RAB27A: variants seen among roughly 807,000 people sequenced by gnomAD.
RAB27A encodes ras-related protein Rab-27A.
In RAB27A, 17 loss-of-function variants were observed where a neutral mutation model predicts 20.8. The observed-to-expected ratio is 0.82, with a 90% CI of 0.56 to 1.23. RAB27A has a LOEUF of 1.23. RAB27A is among the 50% of genes most tolerant of loss of function. The pLI is 0.00. For synonymous variants in RAB27A, 85 were observed against 92.8 expected, an observed-to-expected ratio of 0.92 and a Z score of 0.48; for missense variants, 277 against 266.7, an observed-to-expected ratio of 1.04 and a Z score of -0.27.
chr15:55,241,600 T>TTCTTTATATATATATATGTGTA (rs1388634936), intron 2 of RAB27A, among the ~76,000 whole-genome samples: 4 of 123,894 alleles, frequency 3.2e-5, no homozygotes, highest in African/African-American at 1.7e-4. Context: ...CAAGACCTAT[T>TTCTTTATATATATATATGTGTA]TATATATATA....
rs144492641 is a variant in RAB27A at position 55,228,645 on chromosome 15, T to G, written c.307A>C (p.Asn103His). The G allele has an allele frequency of 1.9e-6, 3 of 1,613,094 alleles. No homozygotes were observed. The highest frequency in any genetic ancestry group is 2.7e-5 in the African/African-American group (2 of 74,882). Residue 103 changes from asparagine (N) to histidine (H), a missense_variant, in exon 5 of 7, where the codon AAT (asparagine) becomes CAT (histidine). Coordinates refer to ENST00000336787, the MANE Select transcript of RAB27A (RefSeq NM_183235.3). ...MGFLLLFDLT[N>H]EQSFLNVRNW... ...CTGACATTGAGGAAACTTTGCTCAT[T>G]TGTCAGATCAAAAAGTAGAAGAAAA...
intron 1 of RAB27A, among the ~76,000 whole-genome samples, chr15:55,281,218 T>A (rs1405302134): frequency 6.6e-6 from 1 of 152,222 alleles, no homozygotes; most frequent in African/African-American, 2.4e-5. Context: ...GCATTAAAGC[T>A]CTTGGGTCTT....
At chr15:55,298,590 T>C (rs2054959296) in intron 2 of RAB27A, among the ~76,000 whole-genome samples, 1 of 152,178 alleles carries the variant, frequency 6.6e-6, no homozygotes, top group South Asian at 2.1e-4. Flanking sequence ...CAGGCACCAG[T>C]GTCACTGATA....
intron 6 of RAB27A, among the ~76,000 whole-genome samples, chr15:55,207,272 C>T (rs1437385326): frequency 1.3e-5 from 2 of 152,108 alleles, no homozygotes; most frequent in East Asian, 1.9e-4. Context: ...TGCACTATGA[C>T]CCAGCAACAG....
rs560297513 is a variant in RAB27A, at chr15:55,209,824, A to G, written c.468-4119T>C. On this transcript the variant is annotated intron_variant, in intron 6 of 6. Coordinates refer to ENST00000336787, the MANE Select transcript of RAB27A (RefSeq NM_183235.3). Reference sequence around the variant, plus strand: ...TACATATATACACACATGTGTGTATATATACATATATGTGTGTACACATAT... The same window carrying G: ...TACATATATACACACATGTGTGTATGTATACATATATGTGTGTACACATAT... Among the ~76,000 whole-genome samples the G allele has an allele frequency of 3.1e-3, 424 of 135,716 alleles. 105 individuals carry two copies. Among genetic ancestry groups the G allele is most frequent in the African/African-American group, 0.012 (378 of 32,616 alleles). 89.0% of individuals were successfully genotyped at this position (135,716 alleles called of 152,430 possible). A position where few individuals can be genotyped will look rare whatever the true frequency, so the allele number is the denominator to read the frequency against.
intron 3 of RAB27A, among the ~76,000 whole-genome samples, chr15:55,234,531 A>C (rs561127574): frequency 2.6e-5 from 4 of 152,318 alleles, no homozygotes; most frequent in African/African-American, 9.6e-5. Context: ...GGGAAGATAC[A>C]AGCCAAAAGA....
At chr15:55,206,934 G>T (rs771691306) in intron 6 of RAB27A, among the ~76,000 whole-genome samples, 10 of 151,998 alleles carry the variant, frequency 6.6e-5, no homozygotes, top group East Asian at 1.9e-4. Context: ...CTTGCAAACG[G>T]GTTAGCATCC....
At chr15:55,298,054 A>C (rs1366697734) in intron 2 of RAB27A, among the ~76,000 whole-genome samples, 1 of 151,916 alleles carries the variant, frequency 6.6e-6, no homozygotes, top group Non-Finnish European at 1.5e-5. Context: ...AAATACAAAA[A>C]ATTAGCTGGG....
intron 2 of RAB27A, among the ~76,000 whole-genome samples, chr15:55,266,900 G>A (rs935604522): frequency 6.6e-6 from 1 of 152,148 alleles, no homozygotes; most frequent in Non-Finnish European, 1.5e-5. Flanking sequence ...AACAGACCTA[G>A]GGCTCACAAG....
chr15:55,219,153 G>A (rs1363319428), intron 6 of RAB27A, among the ~76,000 whole-genome samples: 3 of 152,216 alleles, frequency 2.0e-5, no homozygotes, highest in East Asian at 1.9e-4. Flanking sequence ...ACATTTCAAC[G>A]CAACCATATT....
intron 6 of RAB27A, among the ~76,000 whole-genome samples, chr15:55,216,564 T>C (rs971245644): frequency 6.6e-6 from 1 of 151,180 alleles, no homozygotes; most frequent in Non-Finnish European, 1.5e-5. Flanking sequence ...GAATACATCA[T>C]CCCAAAAAAG....
rs144630080 is a variant in RAB27A, at chr15:55,316,073, A to G, written c.-233-1913T>C. Among the ~76,000 whole-genome samples, 1,258 of 152,156 alleles carry G rather than the reference A, an allele frequency of 8.3e-3. 17 individuals carry two copies. The highest frequency in any genetic ancestry group is 0.029 in the African/African-American group (1,207 of 41,514). ...ATGGTGAAACCCCATCTCTACTAAA[A>G]ATACAAACATTAGCTAGGTGTGGTG... On this transcript the variant is annotated intron_variant, in intron 1 of 5. Coordinates refer to the RAB27A transcript ENST00000563262.
At chr15:55,250,656 G>A (rs951510368) in intron 2 of RAB27A, among the ~76,000 whole-genome samples, 4 of 152,168 alleles carry the variant, frequency 2.6e-5, no homozygotes, top group African/African-American at 9.7e-5. Flanking sequence ...TTTTATTACA[G>A]ATCACTATAG....
At chr15:55,260,664 T>A (rs1897240093) in intron 2 of RAB27A, among the ~76,000 whole-genome samples, 1 of 152,202 alleles carries the variant, frequency 6.6e-6, no homozygotes. Context: ...AAATGCATAT[T>A]ACTAACTGAA....
At chr15:55,219,024 GA>G (rs1462092643) in intron 6 of RAB27A, among the ~76,000 whole-genome samples, 3 of 152,076 alleles carry the variant, frequency 2.0e-5, no homozygotes, top group Admixed American at 6.5e-5. Context: ...TTACAGGCAT[GA>G]GCCACCATGC....
rs144940880 is a variant in RAB27A at position 55,271,244 on chromosome 15, C to T, written c.-142-960G>A. 4.7e-4 allele frequency among the ~76,000 whole-genome samples: 71 copies of T among 152,272 alleles called. 1 individual carries two copies. Among genetic ancestry groups the T allele is most frequent in the African/African-American group, 1.7e-3 (69 of 41,536 alleles). ...CTTAAGCTTCTGCCTTCAGTATCACCGCCTCCTTCCTATAAGCTGCTAGAG... is the reference window on the plus strand; with the variant it reads ...CTTAAGCTTCTGCCTTCAGTATCACTGCCTCCTTCCTATAAGCTGCTAGAG... On this transcript the variant is annotated intron_variant, in intron 1 of 6. Coordinates refer to ENST00000336787, the MANE Select transcript of RAB27A (RefSeq NM_183235.3).
intron 2 of RAB27A, among the ~76,000 whole-genome samples, chr15:55,243,222 C>T (rs893671759): frequency 1.3e-5 from 2 of 152,176 alleles, no homozygotes; most frequent in Non-Finnish European, 2.9e-5. Context: ...CTTCTTAATA[C>T]TTGTACCATA....
chr15:55,301,603 C>T (rs148267425), intron 2 of RAB27A, among the ~76,000 whole-genome samples: 1 of 151,256 alleles, frequency 6.6e-6, no homozygotes, highest in African/African-American at 2.4e-5. Flanking sequence ...ATACATTGAT[C>T]ACCACTATCT....
chr15:55,213,742 A>C (rs1326387365), intron 6 of RAB27A, among the ~76,000 whole-genome samples: 1 of 152,218 alleles, frequency 6.6e-6, no homozygotes, highest in Non-Finnish European at 1.5e-5. Context: ...ATGATCTGTC[A>C]CTGTCTCCTA....
Sources: allele counts gnomAD v4.1 joint callset (sites outside exome capture counted in the v4.1 genomes callset), GRCh38; gene constraint gnomAD v4.1.1; transcripts MANE v1.5; gene names NCBI Gene and HGNC (gene_info 2026-07-23, HGNC 2026-07-21).